The following SAMMSON variants were observed in gnomAD, a reference collection of about 807,000 sequenced individuals.
SAMMSON encodes survival associated mitochondrial melanoma specific oncogenic non-coding RNA, also known as long intergenic non-protein coding RNA 1212.
At chr3:70,152,803 G>A (rs2067576997) in intron 4 of SAMMSON, among the ~76,000 whole-genome samples, 1 of 152,034 alleles carries the variant, frequency 6.6e-6, no homozygotes, top group Non-Finnish European at 1.5e-5. Context: ...CTTTTCCAGT[G>A]AAAATGAATT....
At chr3:70,403,371 GAA>G (rs1230637159) in intron 2 of SAMMSON, among the ~76,000 whole-genome samples, 1 of 152,176 alleles carries the variant, frequency 6.6e-6, no homozygotes, top group Non-Finnish European at 1.5e-5. Flanking sequence ...GGATTAACGT[GAA>G]AAGAGTGGAT....
intron 7 of SAMMSON, among the ~76,000 whole-genome samples, chr3:70,317,311 A>G (rs1176554267): frequency 6.6e-6 from 1 of 152,024 alleles, no homozygotes; most frequent in African/African-American, 2.4e-5. Context: ...TCAACCTTGC[A>G]TTAGTCAAGT....
chr3:70,199,084 T>C (rs570811631), intron 4 of SAMMSON, among the ~76,000 whole-genome samples: 1 of 152,276 alleles, frequency 6.6e-6, no homozygotes, highest in African/African-American at 2.4e-5. Context: ...GGCTGAATGC[T>C]CAAGAGACTT....
At chr3:70,271,713 T>G (rs6549322) in intron 6 of SAMMSON, 127,486 of 152,128 alleles carry the variant, frequency 0.84, 53,745 homozygotes, top group Non-Finnish European at 0.89. Flanking sequence ...AAGAATGAAA[T>G]TGTAGCCCTA....
intron 3 of SAMMSON, among the ~76,000 whole-genome samples, chr3:70,021,810 G>A (rs2067014332): frequency 2.0e-5 from 3 of 152,002 alleles, no homozygotes; most frequent in Admixed American, 2.0e-4. Context: ...TTTTTTGGAA[G>A]CAAAAATCTT....
At chr3:70,193,407 C>T (rs1271170046) in intron 4 of SAMMSON, among the ~76,000 whole-genome samples, 1 of 152,206 alleles carries the variant, frequency 6.6e-6, no homozygotes, top group Admixed American at 6.5e-5. Flanking sequence ...CATCCTTTCA[C>T]CTCAGCCTCC....
chr3:70,348,756 C>T (rs187213406), intron 7 of SAMMSON, among the ~76,000 whole-genome samples: 16 of 152,186 alleles, frequency 1.1e-4, no homozygotes, highest in Admixed American at 9.8e-4. Flanking sequence ...TGAGAAGTAA[C>T]GGGGACACAG....
chr3:70,285,144 T>G (rs1280265361), intron 6 of SAMMSON, among the ~76,000 whole-genome samples: 10 of 151,594 alleles, frequency 6.6e-5, no homozygotes, highest in Non-Finnish European at 1.2e-4. Flanking sequence ...GCCATGCTGG[T>G]GCACTGCACC....
intron 2 of SAMMSON, among the ~76,000 whole-genome samples, chr3:70,425,726 G>A (rs1049078122): frequency 3.3e-5 from 5 of 151,964 alleles, no homozygotes; most frequent in African/African-American, 1.2e-4. Flanking sequence ...TCTACACAAT[G>A]GATGGAAATG....
At chr3:70,181,077 G>T (rs1411718090) in intron 4 of SAMMSON, among the ~76,000 whole-genome samples, 1 of 152,152 alleles carries the variant, frequency 6.6e-6, no homozygotes, top group Non-Finnish European at 1.5e-5. Flanking sequence ...GGAACAGTGG[G>T]TGAACGTTGA....
At chr3:70,355,415 C>A (rs1460115124) in intron 8 of SAMMSON, among the ~76,000 whole-genome samples, 1 of 151,958 alleles carries the variant, frequency 6.6e-6, no homozygotes, top group Admixed American at 6.6e-5. Flanking sequence ...CAATTAGAAT[C>A]CTCATTCATA....
intron 9 of SAMMSON, among the ~76,000 whole-genome samples, chr3:70,364,373 A>G (rs948532469): frequency 6.6e-6 from 1 of 151,974 alleles, no homozygotes; most frequent in Non-Finnish European, 1.5e-5. Flanking sequence ...TCTTTGGATT[A>G]CACTTTACTT....
At chr3:70,313,524 A>G (rs1702473513) in intron 7 of SAMMSON, among the ~76,000 whole-genome samples, 1 of 152,038 alleles carries the variant, frequency 6.6e-6, no homozygotes, top group South Asian at 2.1e-4. Flanking sequence ...TACTGTTTTC[A>G]ATGGAAGATT....
intron 7 of SAMMSON, among the ~76,000 whole-genome samples, chr3:70,323,543 TGA>T (rs1702553879): frequency 6.6e-6 from 1 of 152,294 alleles, no homozygotes; most frequent in Non-Finnish European, 1.5e-5. Context: ...CCAGGGTGTG[TGA>T]GATGGCTTTG....
intron 4 of SAMMSON, among the ~76,000 whole-genome samples, chr3:70,136,263 T>C (rs532154929): frequency 6.6e-6 from 1 of 152,196 alleles, no homozygotes; most frequent in African/African-American, 2.4e-5. Flanking sequence ...CAAAAAGTTA[T>C]TGTGGTTGTG....
chr3:70,207,033 C>CT (rs11317960), intron 4 of SAMMSON, among the ~76,000 whole-genome samples: 5,229 of 139,612 alleles, frequency 0.037, 110 homozygotes, highest in East Asian at 0.048. Flanking sequence ...CTTATTTCTA[C>CT]TTTTTTTTTT....
chr3:70,159,322 C>T (rs534447631), intron 4 of SAMMSON, among the ~76,000 whole-genome samples: 1 of 151,892 alleles, frequency 6.6e-6, no homozygotes, highest in African/African-American at 2.4e-5. Flanking sequence ...CTATCCCTCC[C>T]CCATCCCCCC....
intron 7 of SAMMSON, among the ~76,000 whole-genome samples, chr3:70,301,571 A>G (rs1702349200): frequency 6.6e-6 from 1 of 152,018 alleles, no homozygotes; most frequent in Admixed American, 6.6e-5. Flanking sequence ...ACTTAATTAT[A>G]TATTATTTTG....
At chr3:70,227,445 A>G (rs1701518313) in intron 4 of SAMMSON, among the ~76,000 whole-genome samples, 1 of 152,214 alleles carries the variant, frequency 6.6e-6, no homozygotes, top group African/African-American at 2.4e-5. Context: ...CTTTGGCAGG[A>G]AAAACAGACC....
Sources: allele counts gnomAD v4.1 joint callset (sites outside exome capture counted in the v4.1 genomes callset), GRCh38; gene constraint gnomAD v4.1.1; transcripts MANE v1.5; gene names NCBI Gene and HGNC (gene_info 2026-07-23, HGNC 2026-07-21).